Variants in NSMAF observed in about 807,000 individuals in gnomAD.
NSMAF encodes neutral sphingomyelinase activation associated factor.
Under a neutral mutation model 134.9 loss-of-function variants are expected in NSMAF, and 90 were observed. The ratio of observed to expected loss-of-function variants is 0.67; its 90% CI spans 0.56 to 0.79. The LOEUF (loss-of-function observed/expected upper bound fraction) is 0.79. Among genes scored for constraint, NSMAF ranks in the 30% least tolerant of loss-of-function variants. NSMAF has a pLI of 0.00. For missense variants in NSMAF, 1,010 were observed against 1,119.0 expected (o/e 0.90, Z 1.39); for synonymous variants, 358 against 389.6 (o/e 0.92, Z 0.96).
intron 12 of NSMAF, among the ~76,000 whole-genome samples, chr8:58,605,327 A>G (rs1244569857): frequency 1.3e-5 from 2 of 152,184 alleles, no homozygotes; most frequent in Non-Finnish European, 2.9e-5. Context: ...ACCACAATCA[A>G]TGATCACAAA....
rs75109800 is a variant in NSMAF at position 58,635,240 on chromosome 8, A to G, written c.297-15T>C. ...CAGATTTTGCCCTAAAATACAGATA[A>G]AAGTCATTAAATATATACAGCTTTT... On this transcript the variant is annotated splice_polypyrimidine_tract_variant and intron_variant, in intron 4 of 30. Transcript: ENST00000038176. The G allele has an allele frequency of 2.6e-3, 4,247 of 1,611,178 alleles. 120 individuals carry two copies. In the African/African-American group the frequency reaches 0.051, roughly 19 times the overall value.
Position 58,617,241 on chromosome 8 carries a change from T to C in NSMAF, c.557+5979A>G, listed in dbSNP as rs890902035. On this transcript the variant is annotated intron_variant, in intron 9 of 30. Coordinates refer to ENST00000038176, the MANE Select transcript of NSMAF (RefSeq NM_003580.4). ...AACCTAAGCAATATCATTCAGGACATAGGCATGGGCAAGGACTTCATGACT... is the reference window on the plus strand; with the variant it reads ...AACCTAAGCAATATCATTCAGGACACAGGCATGGGCAAGGACTTCATGACT... Among the ~76,000 whole-genome samples the C allele has an allele frequency of 4.6e-5, 7 of 152,168 alleles. 1 individual carries two copies. The highest frequency in any genetic ancestry group is 7.4e-5 in the Non-Finnish European group (5 of 68,010).
chr8:58,650,912 G>A (rs186927673), intron 1 of NSMAF, among the ~76,000 whole-genome samples: 1 of 152,270 alleles, frequency 6.6e-6, no homozygotes, highest in African/African-American at 2.4e-5. Flanking sequence ...ATTTACACCA[G>A]GTACACAGCC....
chr8:58,615,660 G>A (rs1037867319), intron 9 of NSMAF, among the ~76,000 whole-genome samples: 1 of 152,118 alleles, frequency 6.6e-6, no homozygotes, highest in Non-Finnish European at 1.5e-5. Context: ...ATCAAAATCT[G>A]CAGAATGTTG....
At chr8:58,640,340 A>C (rs1207313307) in intron 2 of NSMAF, among the ~76,000 whole-genome samples, 1 of 152,190 alleles carries the variant, frequency 6.6e-6, no homozygotes, top group African/African-American at 2.4e-5. Context: ...ATTATATCTC[A>C]ATAAAGCTGG....
At chr8:58,596,029 G>A (rs1368420321) in intron 21 of NSMAF, 2 of 191,358 alleles carry the variant, frequency 1.0e-5, no homozygotes, top group African/African-American at 4.7e-5. Context: ...TTCTGGTGTG[G>A]GGTGGGGAAA....
chr8:58,589,765 C>G, intron 25 of NSMAF, 190 bp from the exon 26 acceptor site: 1 of 665,210 alleles, frequency 1.5e-6, no homozygotes, highest in Non-Finnish European at 2.3e-6. Flanking sequence ...ATTTCCATGT[C>G]TGGCTCATCT....
chr8:58,631,903 G>A (rs1405620561), intron 5 of NSMAF, among the ~76,000 whole-genome samples: 1 of 152,146 alleles, frequency 6.6e-6, no homozygotes, highest in Non-Finnish European at 1.5e-5. Flanking sequence ...CAAAGTTACT[G>A]TGGTAGGAAA....
intron 22 of NSMAF, chr8:58,594,822 C>T (rs1420124659): frequency 6.4e-6 from 1 of 155,560 alleles, no homozygotes; most frequent in African/African-American, 2.4e-5. Flanking sequence ...GCCAAAACTC[C>T]TTGTTTCTCT....
intron 14 of NSMAF, 35 bp downstream of exon 14, chr8:58,602,012 GGCTTCTCGTGT>G (rs760389017): frequency 2.7e-5 from 39 of 1,456,236 alleles, no homozygotes; most frequent in Non-Finnish European, 3.7e-5. Context: ...CACAGGCCAT[GGCTTCTCGTGT>G]TGCTTAGAAA....
rs138393448 is a variant in NSMAF at position 58,647,501 on chromosome 8, A to G, written c.60-4428T>C. 2.9e-3 allele frequency among the ~76,000 whole-genome samples: 439 copies of G among 152,218 alleles called. 2 individuals are homozygous for G. The highest frequency in any genetic ancestry group is 0.01 in the African/African-American group (425 of 41,540). ...ATGTCATGTTGAAATGTGATTCCCA[A>G]CGTTGAAGGTGGAGGCCCGGTAGGA... On this transcript the variant is annotated intron_variant, in intron 1 of 30. Transcript: ENST00000038176.
intron 9 of NSMAF, among the ~76,000 whole-genome samples, chr8:58,618,568 C>CAT (rs1232993033): frequency 3.3e-5 from 5 of 151,680 alleles, no homozygotes; most frequent in African/African-American, 7.2e-5. Flanking sequence ...AATATATACA[C>CAT]ATATATATAT....
At chr8:58,602,230 G>T (rs1300380474) in intron 13 of NSMAF, 93 bp from the exon 14 acceptor site, 4 of 990,738 alleles carry the variant, frequency 4.0e-6, no homozygotes, top group South Asian at 1.6e-5. Context: ...TTCCACAAAA[G>T]TTTTTTTAAA....
rs191336211 is a variant in NSMAF, at chr8:58,655,732, T to C, written c.59+3841A>G. Among the ~76,000 whole-genome samples, 1,338 of 151,516 alleles carry C rather than the reference T, an allele frequency of 8.8e-3. 23 individuals are homozygous for C. The highest frequency in any genetic ancestry group is 0.03 in the African/African-American group (1,258 of 41,310). On this transcript the variant is annotated intron_variant, in intron 1 of 30. Transcript: ENST00000038176. ...ACCATCCTGGCTAACACGGTGAAAC[T>C]CCGTCTCTACTAAAAATACAAAAAA...
At chr8:58,631,814 G>A (rs1413858349) in intron 5 of NSMAF, among the ~76,000 whole-genome samples, 2 of 152,074 alleles carry the variant, frequency 1.3e-5, no homozygotes, top group African/African-American at 2.4e-5. Context: ...TTTTATGAAT[G>A]CCATCACTTG....
intron 9 of NSMAF, among the ~76,000 whole-genome samples, chr8:58,612,143 T>C (rs1020035315): frequency 1.3e-5 from 2 of 152,202 alleles, no homozygotes; most frequent in Non-Finnish European, 2.9e-5. Context: ...ATGAGGCAAC[T>C]GTGTATGGGA....
chr8:58,638,649 T>C (rs906849971), intron 2 of NSMAF, among the ~76,000 whole-genome samples: 2 of 151,978 alleles, frequency 1.3e-5, no homozygotes, highest in Admixed American at 6.6e-5. Flanking sequence ...AAGACTTAAA[T>C]GTAAGTCCTG....
chr8:58,657,170 T>C (rs1030852641), intron 1 of NSMAF, among the ~76,000 whole-genome samples: 3 of 152,362 alleles, frequency 2.0e-5, no homozygotes, highest in African/African-American at 7.2e-5. Flanking sequence ...AAACCACCAA[T>C]GCAAGAATCT....
intron 30 of NSMAF, among the ~76,000 whole-genome samples, chr8:58,584,530 T>C (rs535339285): frequency 6.6e-6 from 1 of 152,326 alleles, no homozygotes; most frequent in South Asian, 2.1e-4. Flanking sequence ...GAGACAGATG[T>C]GAAGGAAAAG....
Sources: allele counts gnomAD v4.1 joint callset (sites outside exome capture counted in the v4.1 genomes callset), GRCh38; gene constraint gnomAD v4.1.1; transcripts MANE v1.5; gene names NCBI Gene and HGNC (gene_info 2026-07-23, HGNC 2026-07-21).